Variants in ANKRD27 observed in about 807,000 individuals in gnomAD.
ANKRD27 encodes the protein ankyrin repeat domain-containing protein 27.
In ANKRD27, 112 loss-of-function variants were observed where a neutral mutation model predicts 129.7. The observed-to-expected ratio is 0.86, with a 90% CI of 0.74 to 1.01. The LOEUF is 1.01. ANKRD27 is among the 50% of genes least tolerant of loss of function. The pLI is 0.00. For missense variants in ANKRD27, 1,258 were observed against 1,300.5 expected (o/e 0.97, Z 0.50); for synonymous variants, 516 against 511.2 (o/e 1.01, Z -0.13).
In ANKRD27 at chr19:32,598,258, C is replaced by T; in HGVS notation, c.3040G>A (p.Gly1014Arg). 6.2e-7 allele frequency: 1 copy of T among 1,614,184 alleles called. No homozygotes were observed. Residue 1014 changes from glycine to arginine, a missense_variant, in exon 29 of 29, where the codon GGA becomes AGA. Transcript: ENST00000306065. The part of the protein sequence containing the change: ...ERPGLTQTGP[G>R]HRRMLRRHTV... Reference sequence around the variant, plus strand: ...TGTCTCCGCAGCATCCGTCTGTGTCCAGGGCCAGTCTGTGTCAGTCCAGGC... The same window carrying T: ...TGTCTCCGCAGCATCCGTCTGTGTCTAGGGCCAGTCTGTGTCAGTCCAGGC...
chr19:32,639,596 G>A (rs755577132), intron 11 of ANKRD27, 108 bp from the exon 12 acceptor site: 24 of 1,181,514 alleles, frequency 2.0e-5, no homozygotes, highest in Middle Eastern at 2.2e-4. Flanking sequence ...CAGTTGGTTC[G>A]CTCAGGAAGC....
chr19:32,667,813 CAA>C (rs1967788838), intron 1 of ANKRD27, among the ~76,000 whole-genome samples: 1 of 117,568 alleles, frequency 8.5e-6, no homozygotes, highest in Non-Finnish European at 1.7e-5. Flanking sequence ...GCCTGGGCGA[CAA>C]GAGTGAAACT....
intron 12 of ANKRD27, 100 bp from the exon 13 acceptor site, chr19:32,631,594 G>A (rs975527759): frequency 6.5e-6 from 6 of 919,956 alleles, no homozygotes; most frequent in East Asian, 2.6e-5. Flanking sequence ...GAGCAGTATC[G>A]GCTGCGCCTC....
At chr19:32,603,768 C>T (rs1008331800) in intron 25 of ANKRD27, among the ~76,000 whole-genome samples, 2 of 152,080 alleles carry the variant, frequency 1.3e-5, no homozygotes, top group African/African-American at 2.4e-5. Context: ...TGAGCTCCTG[C>T]GCTCAAGTGA....
intron 26 of ANKRD27, 114 bp from the exon 27 acceptor site, chr19:32,600,164 G>A: frequency 1.3e-6 from 1 of 789,546 alleles, no homozygotes; most frequent in African/African-American, 1.7e-5. Flanking sequence ...TTTAGAAACT[G>A]AAGCACTGAA....
intron 1 of ANKRD27, among the ~76,000 whole-genome samples, chr19:32,662,459 G>A (rs911714829): frequency 1.3e-5 from 2 of 151,440 alleles, no homozygotes; most frequent in African/African-American, 4.9e-5. Context: ...TACAGGGGCT[G>A]GGCACAATGG....
At chr19:32,607,970 G>A (rs972524627) in intron 22 of ANKRD27, 138 bp from the exon 23 acceptor site, 6 of 867,348 alleles carry the variant, frequency 6.9e-6, no homozygotes, top group South Asian at 1.6e-5. Context: ...ATTCCAATTT[G>A]TTTAGAAGTA....
chr19:32,652,764 CA>C (rs1568416331), intron 2 of ANKRD27, among the ~76,000 whole-genome samples: 4 of 151,864 alleles, frequency 2.6e-5, no homozygotes, highest in African/African-American at 9.7e-5. Flanking sequence ...CCTGTCTCTA[CA>C]AAAAATACAA....
At chr19:32,627,398 AT>A (rs1277348228) in intron 15 of ANKRD27, among the ~76,000 whole-genome samples, 23 of 28,802 alleles carry the variant, frequency 8.0e-4, no homozygotes, top group Admixed American at 1.8e-3. Context: ...TTATTTATTT[AT>A]TTATTTATTT....
At chr19:32,667,218 A>C (rs1410842343) in intron 1 of ANKRD27, among the ~76,000 whole-genome samples, 1 of 152,262 alleles carries the variant, frequency 6.6e-6, no homozygotes, top group Admixed American at 6.5e-5. Context: ...GCTCCTAGGT[A>C]ACATGCTGCA....
chr19:32,647,057 C>G (rs755205299), intron 3 of ANKRD27, among the ~76,000 whole-genome samples: 12 of 152,230 alleles, frequency 7.9e-5, no homozygotes, highest in Non-Finnish European at 1.5e-4. Context: ...AACTCCCAGC[C>G]TCAGGTGATC....
intron 25 of ANKRD27, among the ~76,000 whole-genome samples, chr19:32,603,280 T>C (rs1419361617): frequency 6.6e-6 from 1 of 152,086 alleles, no homozygotes; most frequent in Non-Finnish European, 1.5e-5. Context: ...GACTCTGTCT[T>C]AAGAAACAAA....
intron 26 of ANKRD27, chr19:32,600,326 G>A: frequency 3.6e-6 from 1 of 277,758 alleles, no homozygotes; most frequent in Non-Finnish European, 7.1e-6. Flanking sequence ...TATCACTTGA[G>A]GTCAGGAGTT....
chr19:32,601,468 T>G (rs1467395400), intron 26 of ANKRD27, among the ~76,000 whole-genome samples: 6 of 151,598 alleles, frequency 4.0e-5, no homozygotes, highest in South Asian at 4.2e-4. Context: ...GCGTGGTGGC[T>G]GGCACCTGTA....
chr19:32,659,040 A>G lies in ANKRD27; in HGVS notation c.-25T>C. 6.5e-7 allele frequency: 1 copy of G among 1,532,182 alleles called. No homozygotes were observed. The highest frequency in any genetic ancestry group is 9.0e-7 in the Non-Finnish European group (1 of 1,105,402). 94.9% of individuals were successfully genotyped at this position (1,532,182 alleles called of 1,614,324 possible). ...TATGGACTTCAGATGGGTCAGAGCAAATCTCCTGCAATAAGGGAGGGAAAA... is the reference window on the plus strand; with the variant it reads ...TATGGACTTCAGATGGGTCAGAGCAGATCTCCTGCAATAAGGGAGGGAAAA... On this transcript the variant is annotated 5_prime_UTR_variant, in exon 2 of 29. Coordinates refer to ENST00000306065, the MANE Select transcript of ANKRD27 (RefSeq NM_032139.3).
intron 23 of ANKRD27, among the ~76,000 whole-genome samples, chr19:32,606,508 A>T (rs1275309724): frequency 1.5e-5 from 1 of 66,118 alleles, no homozygotes; most frequent in Non-Finnish European, 4.2e-5. Flanking sequence ...GGACCAGGTG[A>T]AGAGGGGAGG....
At chr19:32,639,172 C>T in intron 12 of ANKRD27, 184 bp downstream of exon 12, 1 of 636,524 alleles carries the variant, frequency 1.6e-6, no homozygotes, top group South Asian at 2.2e-5. Flanking sequence ...CAATTTTTAC[C>T]ACCAATTGAG....
chr19:32,651,591 C>T (rs1278237151), intron 2 of ANKRD27, among the ~76,000 whole-genome samples: 3 of 152,064 alleles, frequency 2.0e-5, no homozygotes, highest in South Asian at 2.1e-4. Context: ...AGGATGGTCT[C>T]GATCTCCTGA....
intron 17 of ANKRD27, among the ~76,000 whole-genome samples, 194 bp downstream of exon 17, chr19:32,625,680 C>T (rs1213335258): frequency 6.6e-6 from 1 of 152,164 alleles, no homozygotes; most frequent in Non-Finnish European, 1.5e-5. Context: ...GATCTGCCCA[C>T]CTCAGCCTCC....
Sources: gnomAD v4.1 joint callset for allele counts (sites outside exome capture counted in the v4.1 genomes callset) on GRCh38, gnomAD v4.1.1 for gene constraint, MANE v1.5 for transcripts, NCBI Gene and HGNC (gene_info 2026-07-23, HGNC 2026-07-21) for gene names.